The following TMEM161B variants were observed in gnomAD, a reference collection of about 807,000 sequenced individuals.
TMEM161B encodes transmembrane protein 161B.
In TMEM161B, 34 loss-of-function variants were observed where a neutral mutation model predicts 61.8. The ratio of observed to expected loss-of-function variants is 0.55; its 90% CI spans 0.42 to 0.73. The LOEUF is 0.73. Ranked by LOEUF, TMEM161B falls within the 30% of genes least tolerant of loss-of-function variation. TMEM161B has a pLI of 0.00. For missense variants in TMEM161B, 456 were observed against 558.5 expected, an observed-to-expected ratio of 0.82 and a Z score of 1.85; for synonymous variants, 167 against 192.8, an observed-to-expected ratio of 0.87 and a Z score of 1.11.
intron 4 of TMEM161B, among the ~76,000 whole-genome samples, chr5:88,222,323 C>A (rs1749153176): frequency 6.6e-6 from 1 of 152,142 alleles, no homozygotes; most frequent in Admixed American, 6.5e-5. Flanking sequence ...CCTGCCTCAG[C>A]CTCCAAAAGA....
rs547622026 is a variant in TMEM161B at position 88,214,808 on chromosome 5, T to C, written c.446+5755A>G. 1.0e-3 allele frequency among the ~76,000 whole-genome samples: 152 copies of C among 152,288 alleles called. 2 individuals carry two copies. In the South Asian group the frequency reaches 0.028, roughly 28 times the overall value. ...AATGAGAAAGAAAGAAGAGTAGAGC[T>C]GAGAATTAGTTTGGGTTTAGGAGTG... is the stretch of plus-strand genomic sequence containing the variant. On this transcript the variant is annotated intron_variant, in intron 5 of 11. Transcript: ENST00000296595.
intron 1 of TMEM161B, among the ~76,000 whole-genome samples, chr5:88,246,001 A>C (rs1399844427): frequency 2.0e-5 from 3 of 151,936 alleles, no homozygotes; most frequent in Non-Finnish European, 4.4e-5. Flanking sequence ...GATCAAACAT[A>C]AAAGCAAAGA....
chr5:88,247,057 T>A (rs1347143272), intron 1 of TMEM161B, among the ~76,000 whole-genome samples: 2 of 152,034 alleles, frequency 1.3e-5, no homozygotes, highest in African/African-American at 4.8e-5. Context: ...TTGGGGTAAC[T>A]TAGGTTTCAA....
chr5:88,247,410 ATTGT>A (rs1437496547), intron 1 of TMEM161B, among the ~76,000 whole-genome samples: 1 of 152,070 alleles, frequency 6.6e-6, no homozygotes, highest in Non-Finnish European at 1.5e-5. Context: ...CAAAGCATAC[ATTGT>A]TTACTACTGA....
intron 2 of TMEM161B, among the ~76,000 whole-genome samples, chr5:88,237,873 A>G (rs756822517): frequency 1.8e-4 from 27 of 152,096 alleles, no homozygotes; most frequent in Non-Finnish European, 3.4e-4. Context: ...TCCTTCAAGT[A>G]TAATTGCTTA....
intron 1 of TMEM161B, among the ~76,000 whole-genome samples, chr5:88,251,425 T>C (rs1754327350): frequency 6.6e-6 from 1 of 152,126 alleles, no homozygotes; most frequent in South Asian, 2.1e-4. Flanking sequence ...CCCACAATTC[T>C]AATCTTGCGG....
At chr5:88,266,467 C>A (rs1314851933) in intron 1 of TMEM161B, among the ~76,000 whole-genome samples, 1 of 152,130 alleles carries the variant, frequency 6.6e-6, no homozygotes, top group Non-Finnish European at 1.5e-5. Context: ...ATGTAACTAT[C>A]CTCAAAAATG....
intron 1 of TMEM161B, among the ~76,000 whole-genome samples, chr5:88,248,980 A>G (rs1342777661): frequency 6.6e-6 from 1 of 152,098 alleles, no homozygotes; most frequent in Non-Finnish European, 1.5e-5. Context: ...AACCACTGAC[A>G]CATTAGGTAT....
intron 5 of TMEM161B, among the ~76,000 whole-genome samples, chr5:88,209,562 G>C (rs933655667): frequency 6.6e-6 from 1 of 152,176 alleles, no homozygotes; most frequent in Non-Finnish European, 1.5e-5. Flanking sequence ...CATGAAGCAT[G>C]ATCTTGCACT....
chr5:88,203,488 A>G (rs115238398), intron 8 of TMEM161B, among the ~76,000 whole-genome samples: 3,093 of 151,912 alleles, frequency 0.02, 28 homozygotes, highest in Middle Eastern at 0.055. Flanking sequence ...TCAGTACAGA[A>G]GAGTCGTCTG....
chr5:88,263,108 C>T (rs1278362358), intron 1 of TMEM161B, among the ~76,000 whole-genome samples: 1 of 152,030 alleles, frequency 6.6e-6, no homozygotes, highest in Non-Finnish European at 1.5e-5. Context: ...ATACACTGTA[C>T]TACAATAATT....
chr5:88,241,108 G>A (rs1248980556), intron 1 of TMEM161B, among the ~76,000 whole-genome samples, 192 bp from the exon 2 acceptor site: 1 of 151,510 alleles, frequency 6.6e-6, no homozygotes, highest in Non-Finnish European at 1.5e-5. Flanking sequence ...AAAAAATACA[G>A]TAAAAAATAA....
At position 88,196,498 on chromosome 5, in the gene TMEM161B, C is replaced by A; in HGVS notation, c.1187-10G>T. ...CCCCAGGAATGATTACCTAGAAAAT[C>A]AAAGACACAAATACAATTTGAAGAG... On this transcript the variant is annotated splice_polypyrimidine_tract_variant and intron_variant, in intron 11 of 11. Coordinates refer to ENST00000296595, the MANE Select transcript of TMEM161B (RefSeq NM_153354.5). 1 of 1,556,298 alleles carries A rather than the reference C, an allele frequency of 6.4e-7. No individual in the cohort carries two copies. Among genetic ancestry groups the A allele is most frequent in the South Asian group, 1.2e-5 (1 of 82,316 alleles).
intron 5 of TMEM161B, among the ~76,000 whole-genome samples, chr5:88,212,168 A>T (rs534158456): frequency 3.0e-4 from 45 of 152,358 alleles, no homozygotes; most frequent in Admixed American, 2.5e-3. Flanking sequence ...CTTCAAAATT[A>T]TGAAGAAAAA....
chr5:88,227,710 T>G (rs533601624), intron 3 of TMEM161B, among the ~76,000 whole-genome samples: 18 of 152,292 alleles, frequency 1.2e-4, no homozygotes, highest in African/African-American at 3.9e-4. Flanking sequence ...GAAATATGGT[T>G]ATAATTTGTT....
chr5:88,196,573 A>G (rs898315093), intron 11 of TMEM161B, 85 bp from the exon 12 acceptor site: 2 of 1,343,298 alleles, frequency 1.5e-6, no homozygotes, highest in Non-Finnish European at 2.0e-6. Context: ...TATATTTGAA[A>G]TTAACAATAT....
chr5:88,199,990 C>T (rs1744080729), intron 9 of TMEM161B: 1 of 151,766 alleles, frequency 6.6e-6, no homozygotes, highest in South Asian at 2.1e-4. Context: ...TTGTAATGCA[C>T]AGACTCATTT....
At chr5:88,267,004 A>C (rs1401312519) in intron 1 of TMEM161B, among the ~76,000 whole-genome samples, 1 of 152,248 alleles carries the variant, frequency 6.6e-6, no homozygotes, top group Non-Finnish European at 1.5e-5. Context: ...AGTATTCCAA[A>C]ACACTGAGAA....
At chr5:88,214,038 G>A (rs1019002593) in intron 5 of TMEM161B, among the ~76,000 whole-genome samples, 1 of 152,068 alleles carries the variant, frequency 6.6e-6, no homozygotes, top group Non-Finnish European at 1.5e-5. Context: ...GTACTAGTTT[G>A]TTGTAGTTGT....
Sources: allele counts gnomAD v4.1 joint callset (sites outside exome capture counted in the v4.1 genomes callset), GRCh38; gene constraint gnomAD v4.1.1; transcripts MANE v1.5; gene names NCBI Gene and HGNC (gene_info 2026-07-23, HGNC 2026-07-21).